RFX3: variants seen among roughly 807,000 people sequenced by gnomAD.
RFX3 encodes the protein regulatory factor X3.
A neutral mutation model predicts 98.6 loss-of-function variants in RFX3; 14 were observed. That is an observed-to-expected ratio of 0.14 (90% CI 0.09 to 0.22). The LOEUF (loss-of-function observed/expected upper bound fraction) is 0.22, where lower values mean the gene tolerates loss of function less well. RFX3 is among the 10% of genes least tolerant of loss of function. RFX3 has a pLI of 1.00. For missense variants in RFX3, 639 were observed against 926.9 expected, an observed-to-expected ratio of 0.69 and a Z score of 4.03; for synonymous variants, 383 against 328.4, an observed-to-expected ratio of 1.17 and a Z score of -1.80.
At chr9:3,334,449 G>C (rs966694343) in intron 3 of RFX3, among the ~76,000 whole-genome samples, 1 of 152,120 alleles carries the variant, frequency 6.6e-6, no homozygotes, top group East Asian at 1.9e-4. Context: ...TGCCCTCTTT[G>C]TATCATTATA....
intron 1 of RFX3, among the ~76,000 whole-genome samples, chr9:3,467,134 A>G (rs1564138989): frequency 7.0e-6 from 1 of 143,406 alleles, no homozygotes; most frequent in African/African-American, 2.6e-5. Flanking sequence ...ATGTAAGTAT[A>G]TATGTATATA....
At chr9:3,452,158 G>A (rs1319714294) in intron 1 of RFX3, 1 of 154,410 alleles carries the variant, frequency 6.5e-6, no homozygotes, top group African/African-American at 2.5e-5. Context: ...CGCCCTATCT[G>A]ACACTCTCAT....
intron 1 of RFX3, among the ~76,000 whole-genome samples, chr9:3,508,589 A>G (rs1249848123): frequency 6.6e-6 from 1 of 151,990 alleles, no homozygotes; most frequent in Non-Finnish European, 1.5e-5. Flanking sequence ...CTAATATTTC[A>G]TCATACTTTC....
intron 2 of RFX3, among the ~76,000 whole-genome samples, chr9:3,391,605 T>C (rs1840319270): frequency 6.6e-6 from 1 of 152,178 alleles, no homozygotes; most frequent in African/African-American, 2.4e-5. Context: ...TACAATGTTT[T>C]TTCCAAAGTG....
At chr9:3,510,089 T>A (rs895482025) in intron 1 of RFX3, among the ~76,000 whole-genome samples, 8 of 152,028 alleles carry the variant, frequency 5.3e-5, no homozygotes, top group African/African-American at 1.9e-4. Context: ...AGAGACCTTT[T>A]CACCTCTCTA....
At chr9:3,451,090 T>C (rs990333623) in intron 1 of RFX3, among the ~76,000 whole-genome samples, 5 of 151,852 alleles carry the variant, frequency 3.3e-5, no homozygotes, top group African/African-American at 1.2e-4. Context: ...GCGCTCAAAA[T>C]AGAAAACAAA....
At chr9:3,522,055 AC>A (rs1360444950) in intron 1 of RFX3, among the ~76,000 whole-genome samples, 1 of 152,076 alleles carries the variant, frequency 6.6e-6, no homozygotes, top group African/African-American at 2.4e-5. Context: ...AAAAAAAAAA[AC>A]TTTTCCTAGA....
At chr9:3,520,881 T>C (rs1272916146) in intron 1 of RFX3, among the ~76,000 whole-genome samples, 1 of 152,208 alleles carries the variant, frequency 6.6e-6, no homozygotes, top group Non-Finnish European at 1.5e-5. Context: ...AATCTTGCTA[T>C]GTTGCCCAGG....
intron 15 of RFX3, among the ~76,000 whole-genome samples, chr9:3,236,596 G>C (rs1819182426): frequency 6.6e-6 from 1 of 152,196 alleles, no homozygotes; most frequent in African/African-American, 2.4e-5. Flanking sequence ...TCCATGCTGT[G>C]CAGAGGTGGG....
intron 1 of RFX3, among the ~76,000 whole-genome samples, chr9:3,422,749 C>T (rs576638680): frequency 1.3e-5 from 2 of 152,180 alleles, no homozygotes; most frequent in Admixed American, 6.5e-5. Flanking sequence ...ACTGACTGAA[C>T]ACCTGTACTA....
chr9:3,379,681 C>G (rs770864791), intron 2 of RFX3, among the ~76,000 whole-genome samples: 5 of 152,046 alleles, frequency 3.3e-5, no homozygotes, highest in African/African-American at 7.2e-5. Flanking sequence ...CACACACACA[C>G]AGAGATAACT....
chr9:3,496,142 G>A (rs901311576), intron 1 of RFX3, among the ~76,000 whole-genome samples: 1 of 151,892 alleles, frequency 6.6e-6, no homozygotes. Flanking sequence ...TGCTCATACA[G>A]ATTTTTACAC....
At chr9:3,423,711 T>C (rs1464581732) in intron 1 of RFX3, among the ~76,000 whole-genome samples, 5 of 148,858 alleles carry the variant, frequency 3.4e-5, no homozygotes, top group Admixed American at 6.7e-5. Flanking sequence ...TACATAGATA[T>C]AAATTTTAAA....
At chr9:3,302,209 C>T (rs1290091811) in intron 4 of RFX3, among the ~76,000 whole-genome samples, 1 of 151,650 alleles carries the variant, frequency 6.6e-6, no homozygotes, top group Non-Finnish European at 1.5e-5. Flanking sequence ...ATGGTCCCTA[C>T]ATTATATTTT....
At chr9:3,277,605 C>A in intron 7 of RFX3, 144 bp from the exon 8 acceptor site, 1 of 644,762 alleles carries the variant, frequency 1.6e-6, no homozygotes, top group South Asian at 2.9e-5. Flanking sequence ...TTGATAGTCT[C>A]ATAAAGTTAG....
chr9:3,354,018 A>G lies in RFX3; in HGVS notation c.118-7254T>C, dbSNP rs185354058. Among the ~76,000 whole-genome samples, 172 of 152,216 alleles carry G rather than the reference A, an allele frequency of 1.1e-3. 1 individual carries two copies. In the Middle Eastern group the frequency reaches 0.014, roughly 12 times the overall value. ...TATTTGTAGAGTAGGAAAATACAATATGTAAAATTAAAATTTCACTGGTTA... is the reference window on the plus strand; with the variant it reads ...TATTTGTAGAGTAGGAAAATACAATGTGTAAAATTAAAATTTCACTGGTTA... On this transcript the variant is annotated intron_variant, in intron 2 of 16. Coordinates refer to ENST00000617270, the MANE Select transcript of RFX3 (RefSeq NM_001282116.2).
At chr9:3,241,023 G>A (rs1819845125) in intron 15 of RFX3, among the ~76,000 whole-genome samples, 1 of 152,178 alleles carries the variant, frequency 6.6e-6, no homozygotes, top group Non-Finnish European at 1.5e-5. Context: ...CTTTCCTGAT[G>A]TCTACAGTGA....
At chr9:3,281,010 G>A (rs896871621) in intron 7 of RFX3, among the ~76,000 whole-genome samples, 1 of 151,682 alleles carries the variant, frequency 6.6e-6, no homozygotes, top group African/African-American at 2.4e-5. Flanking sequence ...AAGGTAACAT[G>A]CTTGATTTTA....
intron 1 of RFX3, among the ~76,000 whole-genome samples, chr9:3,457,082 T>G (rs1847240486): frequency 7.5e-6 from 1 of 132,526 alleles, no homozygotes; most frequent in African/African-American, 2.9e-5. Flanking sequence ...CAGCAGTTGC[T>G]GTGAACCGAG....
Sources: allele counts gnomAD v4.1 joint callset (sites outside exome capture counted in the v4.1 genomes callset), GRCh38; gene constraint gnomAD v4.1.1; transcripts MANE v1.5; gene names NCBI Gene and HGNC (gene_info 2026-07-23, HGNC 2026-07-21).